Variants in HNF4G observed in about 807,000 individuals in gnomAD.
HNF4G encodes the protein hepatocyte nuclear factor 4-gamma.
HNF4G carries 21 observed loss-of-function variants against 50.9 expected under a neutral mutation model. The ratio of observed to expected loss-of-function variants is 0.41; its 90% CI spans 0.29 to 0.59. HNF4G has a LOEUF of 0.59. HNF4G is among the 20% of genes least tolerant of loss of function. The pLI is 0.26. For missense variants in HNF4G, 527 were observed against 559.4 expected (o/e 0.94, Z 0.58); for synonymous variants, 198 against 185.6 (o/e 1.07, Z -0.54).
chr8:75,522,084 A>G (rs1056259225), intron 2 of HNF4G, among the ~76,000 whole-genome samples: 2 of 152,234 alleles, frequency 1.3e-5, no homozygotes, highest in African/African-American at 4.8e-5. Context: ...CTTTGTTATT[A>G]GAATTAGCTT....
chr8:75,544,561 A>G (rs1806717931), intron 2 of HNF4G, among the ~76,000 whole-genome samples: 1 of 151,700 alleles, frequency 6.6e-6, no homozygotes, highest in African/African-American at 2.4e-5. Context: ...CTCATGCCAT[A>G]TTTTTTGTCA....
At chr8:75,528,449 G>T (rs1373452009) in intron 2 of HNF4G, among the ~76,000 whole-genome samples, 1 of 152,098 alleles carries the variant, frequency 6.6e-6, no homozygotes, top group Non-Finnish European at 1.5e-5. Flanking sequence ...TTCTCTCACA[G>T]CATTACTGTG....
At chr8:75,422,481 A>G (rs941161521) in intron 1 of HNF4G, among the ~76,000 whole-genome samples, 2 of 152,204 alleles carry the variant, frequency 1.3e-5, no homozygotes, top group Non-Finnish European at 2.9e-5. Flanking sequence ...TCAAATTTCT[A>G]AGTGATGAGG....
intron 8 of HNF4G, among the ~76,000 whole-genome samples, chr8:75,559,284 T>G (rs10282970): frequency 2.4e-4 from 36 of 151,886 alleles, no homozygotes; most frequent in African/African-American, 8.5e-4. Flanking sequence ...TTTGTTTTTT[T>G]TTTTTTTTAA....
chr8:75,514,845 A>G (rs1805850071), intron 2 of HNF4G, among the ~76,000 whole-genome samples: 1 of 151,862 alleles, frequency 6.6e-6, no homozygotes, highest in Admixed American at 6.6e-5. Context: ...TTCTGCCTTC[A>G]TATTGATTAA....
intron 1 of HNF4G, among the ~76,000 whole-genome samples, chr8:75,451,872 T>C (rs1005739742): frequency 4.6e-5 from 7 of 152,236 alleles, no homozygotes; most frequent in African/African-American, 1.7e-4. Context: ...TATCTTGTTC[T>C]GTTAGGTTGG....
intron 2 of HNF4G, among the ~76,000 whole-genome samples, chr8:75,523,041 T>C (rs1354923338): frequency 1.3e-5 from 2 of 151,804 alleles, no homozygotes; most frequent in Admixed American, 6.6e-5. Flanking sequence ...CCTAGCCAAA[T>C]TGGTGAATCC....
At chr8:75,560,130 G>A (rs1193394171) in intron 8 of HNF4G, among the ~76,000 whole-genome samples, 3 of 152,186 alleles carry the variant, frequency 2.0e-5, no homozygotes, top group Admixed American at 1.3e-4. Flanking sequence ...TTAATACACA[G>A]CATAATATGA....
intron 2 of HNF4G, among the ~76,000 whole-genome samples, chr8:75,509,814 C>A (rs1805700708): frequency 6.6e-6 from 1 of 152,196 alleles, no homozygotes; most frequent in African/African-American, 2.4e-5. Context: ...ACCTACTGCA[C>A]TGCCAATCAT....
intron 1 of HNF4G, among the ~76,000 whole-genome samples, chr8:75,414,291 T>G (rs533698381): frequency 6.6e-6 from 1 of 152,246 alleles, no homozygotes; most frequent in East Asian, 1.9e-4. Context: ...TTTTTTTAAT[T>G]TAGCATAATT....
intron 1 of HNF4G, among the ~76,000 whole-genome samples, chr8:75,468,318 A>G (rs550840188): frequency 1.3e-3 from 200 of 152,212 alleles, no homozygotes; most frequent in African/African-American, 4.5e-3. Flanking sequence ...AGTTTTGCAG[A>G]GGTCACTTAG....
intron 2 of HNF4G, among the ~76,000 whole-genome samples, chr8:75,504,280 A>C (rs1813014655): frequency 6.9e-6 from 1 of 145,616 alleles, no homozygotes; most frequent in South Asian, 2.2e-4. Flanking sequence ...CACACACCAA[A>C]AACAACAACA....
intron 2 of HNF4G, among the ~76,000 whole-genome samples, chr8:75,505,754 C>G (rs981033509): frequency 1.0e-4 from 15 of 150,212 alleles, no homozygotes; most frequent in African/African-American, 3.7e-4. Flanking sequence ...CTTTTGTCAT[C>G]TAGTTTAAAA....
intron 1 of HNF4G, among the ~76,000 whole-genome samples, chr8:75,410,341 A>T (rs1810471413): frequency 6.6e-6 from 1 of 152,216 alleles, no homozygotes; most frequent in South Asian, 2.1e-4. Flanking sequence ...TTTATTTAGA[A>T]TGTTGTCAAT....
chr8:75,450,124 T>C (rs1410146266), intron 1 of HNF4G, among the ~76,000 whole-genome samples: 1 of 152,206 alleles, frequency 6.6e-6, no homozygotes, highest in Non-Finnish European at 1.5e-5. Context: ...TTTCTGTGCC[T>C]GGGTGATTTC....
At chr8:75,424,365 AT>A (rs1330030883) in intron 1 of HNF4G, among the ~76,000 whole-genome samples, 2 of 152,072 alleles carry the variant, frequency 1.3e-5, no homozygotes, top group African/African-American at 4.8e-5. Context: ...AGCATCTTAA[AT>A]TTTTTACCTT....
intron 1 of HNF4G, among the ~76,000 whole-genome samples, chr8:75,487,985 CTCACTCACTA>C (rs1466867353): frequency 6.6e-6 from 1 of 152,146 alleles, no homozygotes; most frequent in Non-Finnish European, 1.5e-5. Context: ...CTCTTGAGAA[CTCACTCACTA>C]TCACGAGAAT....
chr8:75,423,832 T>C (rs1423651638), intron 1 of HNF4G, among the ~76,000 whole-genome samples: 18 of 128,892 alleles, frequency 1.4e-4, no homozygotes, highest in African/African-American at 5.4e-4. Flanking sequence ...TTTTTTTTTT[T>C]TTTTTTTTTT....
chr8:75,490,716 T>C (rs1812607810), intron 2 of HNF4G, among the ~76,000 whole-genome samples: 1 of 152,206 alleles, frequency 6.6e-6, no homozygotes, highest in Admixed American at 6.5e-5. Context: ...TTAGGTTTTA[T>C]TTTGTGATTT....
Sources: gnomAD v4.1 joint callset for allele counts (sites outside exome capture counted in the v4.1 genomes callset) on GRCh38, gnomAD v4.1.1 for gene constraint, MANE v1.5 for transcripts, NCBI Gene and HGNC (gene_info 2026-07-23, HGNC 2026-07-21) for gene names.